Variants in ZNF540 observed in about 807,000 individuals in gnomAD.
ZNF540 encodes the protein zinc finger protein 540.
Under a neutral mutation model 11.8 loss-of-function variants are expected in ZNF540, and 3 were observed. The ratio of observed to expected loss-of-function variants is 0.25; its 90% CI spans 0.12 to 0.65. The LOEUF (loss-of-function observed/expected upper bound fraction) is 0.65, where lower values mean the gene tolerates loss of function less well. Among genes scored for constraint, ZNF540 ranks in the 30% least tolerant of loss-of-function variants. The pLI is 0.83. For synonymous variants in ZNF540, 247 were observed against 259.0 expected (o/e 0.95, Z 0.45); for missense variants, 709 against 793.1 (o/e 0.89, Z 1.27).
At chr19:37,584,921 G>A (rs530586726) in intron 1 of ZNF540, among the ~76,000 whole-genome samples, 105 of 143,414 alleles carry the variant, frequency 7.3e-4, no homozygotes, top group Admixed American at 9.5e-4. Flanking sequence ...CCGAGATTGC[G>A]CCACTGCACT....
intron 3 of ZNF540, among the ~76,000 whole-genome samples, chr19:37,600,004 T>C (rs1345573063): frequency 6.6e-6 from 1 of 152,232 alleles, no homozygotes; most frequent in African/African-American, 2.4e-5. Flanking sequence ...GTTAAGAGAC[T>C]GGATTTGAAT....
Position 37,598,462 on chromosome 19 carries a change from TCA to T in ZNF540, c.9+9_9+10del. 5 of 1,613,832 alleles carry T rather than the reference TCA, an allele frequency of 3.1e-6. No homozygotes were observed. The highest frequency in any genetic ancestry group is 1.3e-5 in the African/African-American group (1 of 74,994). ...AGTGTAAAACCATGGCCCATGTAAG[TCA>T]CAGTTTCTCTTTCCTTTTTAGATTA... On this transcript the variant is annotated splice_region_variant and intron_variant, in intron 2 of 4. Coordinates refer to ENST00000316433, the MANE Select transcript of ZNF540 (RefSeq NM_001172225.3).
intron 1 of ZNF540, among the ~76,000 whole-genome samples, chr19:37,572,031 CCT>C (rs2043076999): frequency 2.4e-4 from 2 of 8,258 alleles, no homozygotes; most frequent in Non-Finnish European, 4.5e-4. Flanking sequence ...GTACATTAGT[CCT>C]ATCTATCAAT....
At chr19:37,586,447 T>C (rs2043675717) in intron 1 of ZNF540, 1 of 597,554 alleles carries the variant, frequency 1.7e-6, no homozygotes, top group Admixed American at 3.0e-5. Context: ...CTGTGGACAA[T>C]GTAGAATTAT....
chr19:37,605,123 G>C (rs1209992094), intron 4 of ZNF540, among the ~76,000 whole-genome samples: 1 of 152,072 alleles, frequency 6.6e-6, no homozygotes, highest in Admixed American at 6.5e-5. Flanking sequence ...TTGTTACCTC[G>C]GGTTAAACAC....
intron 2 of ZNF540, 136 bp downstream of exon 2, chr19:37,598,592 C>T (rs941197189): frequency 6.0e-5 from 52 of 863,730 alleles, no homozygotes; most frequent in Non-Finnish European, 8.8e-5. Flanking sequence ...CATGGGCCCC[C>T]TCTCTTTTCT....
Position 37,612,016 on chromosome 19 carries a change from CAAG to C in ZNF540, c.739_741del (p.Glu247del). The C allele has an allele frequency of 6.2e-7, 1 of 1,613,468 alleles. No individual in the cohort carries two copies. The highest frequency in any genetic ancestry group is 2.2e-5 in the East Asian group (1 of 44,806). On this transcript the variant is annotated inframe_deletion, in exon 5 of 5. Transcript: ENST00000316433. ...TACTGGTGAGAAACCCTATGAATGT[CAAG>C]AATGTGGGAAGACCTTTACTCTTTA...
chr19:37,588,895 T>G (rs1270039617), intron 1 of ZNF540, among the ~76,000 whole-genome samples: 1 of 151,980 alleles, frequency 6.6e-6, no homozygotes, highest in Non-Finnish European at 1.5e-5. Context: ...ATATAAGATA[T>G]CTAAATATTA....
chr19:37,605,158 A>G (rs568255542), intron 4 of ZNF540, among the ~76,000 whole-genome samples: 30 of 152,288 alleles, frequency 2.0e-4, no homozygotes, highest in African/African-American at 6.5e-4. Context: ...CATGGATTAT[A>G]TAAGTATATA....
At chr19:37,566,364 T>C (rs934649719) in intron 1 of ZNF540, 2 of 1,473,872 alleles carry the variant, frequency 1.4e-6, no homozygotes, top group South Asian at 2.7e-5. Context: ...GTAAAAATGA[T>C]AGATGAAAAT....
intron 1 of ZNF540, among the ~76,000 whole-genome samples, chr19:37,558,235 G>A (rs2042681810): frequency 6.6e-6 from 1 of 152,124 alleles, no homozygotes; most frequent in Non-Finnish European, 1.5e-5. Flanking sequence ...TGTGTTGCTC[G>A]TTTTTGTTTT....
Position 37,564,789 on chromosome 19 carries a change from C to G in ZNF540, c.-73+13124C>G, listed in dbSNP as rs535853504. 1.9e-6 allele frequency: 3 copies of G among 1,613,660 alleles called. No individual in the cohort carries two copies. The African/African-American group carries it at 4.0e-5, about 22-fold the overall frequency. On this transcript the variant is annotated intron_variant, in intron 1 of 4. Transcript: ENST00000592533. ...TCTCCAGTATGAGTTCTCAGATGTT[C>G]AGTAAGGTGTGAGCCACGAATAAAA...
chr19:37,567,448 A>G (rs2042899861), intron 1 of ZNF540, among the ~76,000 whole-genome samples: 1 of 152,194 alleles, frequency 6.6e-6, no homozygotes, highest in African/African-American at 2.4e-5. Flanking sequence ...CCAAACTCCT[A>G]TTCATGGCCT....
At chr19:37,563,648 CGTGG>C (rs2042748730) in intron 1 of ZNF540, 2 of 149,936 alleles carry the variant, frequency 1.3e-5, no homozygotes, top group Admixed American at 6.6e-5. Flanking sequence ...TATATACACA[CGTGG>C]AATGTATACA....
chr19:37,587,705 TTAAG>T (rs2043724308), intron 1 of ZNF540, among the ~76,000 whole-genome samples: 1 of 152,012 alleles, frequency 6.6e-6, no homozygotes, highest in African/African-American at 2.4e-5. Context: ...GGTAAATAAT[TTAAG>T]TAAGATTTTG....
At chr19:37,559,140 A>C (rs74674286) in intron 1 of ZNF540, among the ~76,000 whole-genome samples, 3,756 of 152,282 alleles carry the variant, frequency 0.025, 164 homozygotes, top group African/African-American at 0.085. Flanking sequence ...CACCTGGCCC[A>C]CATGATTCTC....
chr19:37,604,202 C>T (rs114010580), intron 4 of ZNF540, among the ~76,000 whole-genome samples: 3,273 of 146,020 alleles, frequency 0.022, 124 homozygotes, highest in African/African-American at 0.078. Flanking sequence ...GTGGTCAATA[C>T]AGGAAATTAA....
Position 37,612,836 on chromosome 19 carries a change from G to A in ZNF540, c.1556G>A (p.Gly519Asp), listed in dbSNP as rs1287098155. The change falls in exon 5 of 5, where the codon GGT becomes GAT. Residue 519 changes from glycine (G) to aspartate (D), a missense_variant. Transcript: ENST00000316433. ...YLTEHQRIHT[G>D]EKPYKCKECG... ...ACTGAACACCAGAGAATTCACACTG[G>A]TGAAAAGCCCTATAAATGTAAAGAA... The A allele has an allele frequency of 6.2e-7, 1 of 1,614,098 alleles. No homozygotes were observed.
At chr19:37,590,433 A>AG (rs1250116802), upstream of ZNF540, among the ~76,000 whole-genome samples, 1 of 83,556 alleles carries the variant, frequency 1.2e-5, no homozygotes, top group East Asian at 2.0e-4. Context: ...AAGAAGAAGA[A>AG]AAAAAAAGCT....
Sources: gnomAD v4.1 joint callset for allele counts (sites outside exome capture counted in the v4.1 genomes callset) on GRCh38, gnomAD v4.1.1 for gene constraint, MANE v1.5 for transcripts, NCBI Gene and HGNC (gene_info 2026-07-23, HGNC 2026-07-21) for gene names.